The following ROBO1 variants were observed in gnomAD, a reference collection of about 807,000 sequenced individuals.
ROBO1 encodes the protein roundabout guidance receptor 1.
A neutral mutation model predicts 195.9 loss-of-function variants in ROBO1; 149 were observed. The observed-to-expected ratio is 0.76, with a 90% CI of 0.67 to 0.87. The LOEUF (loss-of-function observed/expected upper bound fraction) is 0.87, where lower values mean the gene tolerates loss of function less well. Among genes scored for constraint, ROBO1 ranks in the 40% least tolerant of loss-of-function variants. The pLI is 0.00. For missense variants in ROBO1, 1,933 were observed against 2,068.3 expected, an observed-to-expected ratio of 0.93 and a Z score of 1.27; for synonymous variants, 816 against 733.2, an observed-to-expected ratio of 1.11 and a Z score of -1.82.
At chr3:79,072,808 T>A (rs2079111411) in intron 3 of ROBO1, among the ~76,000 whole-genome samples, 1 of 151,952 alleles carries the variant, frequency 6.6e-6, no homozygotes, top group Non-Finnish European at 1.5e-5. Context: ...GTATTAATTT[T>A]CTCTCCCAAA....
intron 2 of ROBO1, among the ~76,000 whole-genome samples, chr3:79,212,214 T>C (rs2081978591): frequency 6.6e-6 from 1 of 152,208 alleles, no homozygotes; most frequent in South Asian, 2.1e-4. Flanking sequence ...CACGAACTTG[T>C]CACAGTGCTG....
intron 3 of ROBO1, among the ~76,000 whole-genome samples, chr3:78,993,494 C>T (rs2108073380): frequency 6.6e-6 from 1 of 152,192 alleles, no homozygotes; most frequent in Non-Finnish European, 1.5e-5. Context: ...GTGTAATACA[C>T]TTATATATGT....
chr3:79,517,971 G>T (rs188679137), intron 2 of ROBO1, among the ~76,000 whole-genome samples: 1 of 152,136 alleles, frequency 6.6e-6, no homozygotes, highest in Non-Finnish European at 1.5e-5. Context: ...GGGTGTTAGG[G>T]TTTATTGACC....
At chr3:79,620,300 C>T (rs1170250003) in intron 1 of ROBO1, among the ~76,000 whole-genome samples, 1 of 152,144 alleles carries the variant, frequency 6.6e-6, no homozygotes, top group East Asian at 1.9e-4. Flanking sequence ...CTGATGCTGC[C>T]CGATCGCCTC....
At chr3:79,654,653 T>A (rs944896225) in intron 1 of ROBO1, among the ~76,000 whole-genome samples, 5 of 152,008 alleles carry the variant, frequency 3.3e-5, no homozygotes, top group African/African-American at 9.7e-5. Flanking sequence ...CATTTACACA[T>A]TTTCAGACTA....
In ROBO1 at chr3:79,538,676, G is replaced by A. The variant is rs373176114; in HGVS notation, c.88+51148C>T. Among the ~76,000 whole-genome samples the A allele has an allele frequency of 6.2e-4, 95 of 152,090 alleles. 2 individuals are homozygous for A. The South Asian group carries it at 0.02, about 32-fold the overall frequency. On this transcript the variant is annotated intron_variant, in intron 2 of 30. Transcript: ENST00000464233. ...TTCTAGGATCTGTCTTTTCAAACTG[G>A]AGACATTTATATGATTGTTTTCTAT...
intron 2 of ROBO1, among the ~76,000 whole-genome samples, chr3:79,233,682 T>G (rs1285190723): frequency 6.6e-6 from 1 of 152,120 alleles, no homozygotes; most frequent in Admixed American, 6.6e-5. Flanking sequence ...ACCCGCATTC[T>G]TTTCTCATTG....
At chr3:79,139,739 T>C (rs1399839719) in intron 2 of ROBO1, among the ~76,000 whole-genome samples, 1 of 152,138 alleles carries the variant, frequency 6.6e-6, no homozygotes, top group Non-Finnish European at 1.5e-5. Context: ...TACTTCTGGC[T>C]CTCTCCGTCT....
intron 2 of ROBO1, among the ~76,000 whole-genome samples, chr3:79,204,287 A>G (rs921307263): frequency 6.6e-6 from 1 of 152,024 alleles, no homozygotes; most frequent in African/African-American, 2.4e-5. Context: ...TAGTTTCCCG[A>G]CTGAACTATC....
intron 3 of ROBO1, among the ~76,000 whole-genome samples, chr3:79,007,813 A>G (rs960930077): frequency 2.0e-5 from 3 of 152,330 alleles, no homozygotes; most frequent in East Asian, 3.9e-4. Flanking sequence ...TAAATCACCT[A>G]CACAGCAATC....
At chr3:79,597,033 C>T (rs188251606) in intron 1 of ROBO1, among the ~76,000 whole-genome samples, 94 of 151,898 alleles carry the variant, frequency 6.2e-4, no homozygotes, top group African/African-American at 2.1e-3. Flanking sequence ...AAAAAGAACA[C>T]GGAAAGTTAA....
intron 2 of ROBO1, among the ~76,000 whole-genome samples, chr3:79,571,658 A>G (rs1025116685): frequency 2.2e-5 from 2 of 90,630 alleles, no homozygotes; most frequent in African/African-American, 1.1e-4. Flanking sequence ...AAAGTGATGT[A>G]AAATACTTCC....
At chr3:79,603,028 T>C (rs1280365258) in intron 1 of ROBO1, among the ~76,000 whole-genome samples, 1 of 152,170 alleles carries the variant, frequency 6.6e-6, no homozygotes, top group African/African-American at 2.4e-5. Flanking sequence ...TACTTCTGAA[T>C]GTCATTCCTT....
chr3:79,598,408 C>G (rs1365347291), intron 1 of ROBO1, among the ~76,000 whole-genome samples: 1 of 151,952 alleles, frequency 6.6e-6, no homozygotes, highest in Non-Finnish European at 1.5e-5. Flanking sequence ...TCCTAGACTT[C>G]CAAAAATTTT....
At chr3:78,870,779 C>G (rs367788454) in intron 4 of ROBO1, among the ~76,000 whole-genome samples, 1 of 152,070 alleles carries the variant, frequency 6.6e-6, no homozygotes, top group Non-Finnish European at 1.5e-5. Flanking sequence ...ATACTGTTAG[C>G]AAGAAAAACC....
intron 3 of ROBO1, among the ~76,000 whole-genome samples, chr3:79,028,152 A>T (rs1576587894): frequency 6.6e-6 from 1 of 152,146 alleles, no homozygotes; most frequent in African/African-American, 2.4e-5. Flanking sequence ...TTTTTTTCAC[A>T]ATATAGAAGT....
chr3:78,712,695 T>C (rs542189370), intron 8 of ROBO1, among the ~76,000 whole-genome samples: 5 of 152,270 alleles, frequency 3.3e-5, no homozygotes, highest in African/African-American at 9.6e-5. Flanking sequence ...AGTTTCTGGA[T>C]TTGATCATTA....
intron 2 of ROBO1, among the ~76,000 whole-genome samples, chr3:79,195,956 T>C (rs1461740589): frequency 6.6e-6 from 1 of 151,600 alleles, no homozygotes; most frequent in African/African-American, 2.4e-5. Context: ...AACAGGTTGT[T>C]AGTTAATTAA....
At chr3:79,338,716 A>C (rs371265513) in intron 2 of ROBO1, among the ~76,000 whole-genome samples, 6 of 152,012 alleles carry the variant, frequency 3.9e-5, no homozygotes, top group African/African-American at 9.7e-5. Flanking sequence ...CTAAAAAAAA[A>C]CCTTCGGATC....
Sources: allele counts gnomAD v4.1 joint callset (sites outside exome capture counted in the v4.1 genomes callset), GRCh38; gene constraint gnomAD v4.1.1; transcripts MANE v1.5; gene names NCBI Gene and HGNC (gene_info 2026-07-23, HGNC 2026-07-21).